Variants in TMED8 observed in about 807,000 individuals in gnomAD.
The protein encoded by TMED8 is protein TMED8.
In TMED8, 15 loss-of-function variants were observed where a neutral mutation model predicts 32.7. The observed-to-expected ratio is 0.46, with a 90% confidence interval of 0.31 to 0.71. TMED8 has a LOEUF of 0.71. Ranked by LOEUF, TMED8 falls within the 30% of genes least tolerant of loss-of-function variation. The pLI, the probability that TMED8 is intolerant of heterozygous loss-of-function variation, is 0.06. For synonymous variants in TMED8, 147 were observed against 161.4 expected (o/e 0.91, Z 0.68); for missense variants, 390 against 423.9 (o/e 0.92, Z 0.70).
chr14:77,345,465 T>C (rs180963259), intron 3 of TMED8, among the ~76,000 whole-genome samples: 27 of 152,040 alleles, frequency 1.8e-4, no homozygotes, highest in African/African-American at 5.8e-4. Context: ...CTAACACATA[T>C]GCTAATAAAT....
chr14:77,372,953 T>TATATATATATATATA (rs71128617), intron 1 of TMED8, among the ~76,000 whole-genome samples: 1 of 12,368 alleles, frequency 8.1e-5, no homozygotes, highest in Non-Finnish European at 1.3e-4. Context: ...TATATATATA[T>TATATATATATATATA]TTTTTTTTTT....
chr14:77,354,395 A>G (rs1377583164), intron 1 of TMED8, among the ~76,000 whole-genome samples: 1 of 152,188 alleles, frequency 6.6e-6, no homozygotes, highest in East Asian at 1.9e-4. Flanking sequence ...TAAAACCAGG[A>G]CTTTATATAC....
chr14:77,375,287 A>G (rs1893786759), intron 1 of TMED8, among the ~76,000 whole-genome samples: 1 of 152,132 alleles, frequency 6.6e-6, no homozygotes, highest in African/African-American at 2.4e-5. Flanking sequence ...AAGCATCTCT[A>G]CCAATGTCCT....
At chr14:77,344,344 T>C (rs1228812908) in intron 3 of TMED8, among the ~76,000 whole-genome samples, 1 of 152,232 alleles carries the variant, frequency 6.6e-6, no homozygotes, top group Non-Finnish European at 1.5e-5. Context: ...GTTTATAGTC[T>C]TTCTCTCTCA....
Position 77,346,345 on chromosome 14 carries a change from C to T in TMED8, c.327+4G>A. On this transcript the variant is annotated splice_donor_region_variant and intron_variant, in intron 3 of 5. Coordinates refer to ENST00000216468, the MANE Select transcript of TMED8 (RefSeq NM_213601.3). ...ATAAGAAAGAGCCAGAATCTGCCCC[C>T]TACCTCATTGAGGACCTGGGCCTGG... The T allele has an allele frequency of 6.2e-7, 1 of 1,614,038 alleles. No homozygotes were observed. The highest frequency in any genetic ancestry group is 8.5e-7 in the Non-Finnish European group (1 of 1,179,944).
chr14:77,376,801 C>G lies in TMED8; in HGVS notation c.118+135G>C. 2.3e-6 allele frequency: 1 copy of G among 429,660 alleles called. No individual in the cohort carries two copies. Among genetic ancestry groups the G allele is most frequent in the South Asian group, 1.1e-4 (1 of 8,844 alleles). 26.6% of individuals were successfully genotyped at this position (429,660 alleles called of 1,614,324 possible). On this transcript the variant is annotated intron_variant, in intron 1 of 5. Transcript: ENST00000216468. This position sits in a 1 kb window ranked among gnomAD's most constrained non-coding sequence, Gnocchi z 4.0. ...TGGTGGCAGCGGCGGGGAAGGGGCC[C>G]CGCGCGCGAAGGGGCTGCCGAGGTG...
intron 1 of TMED8, among the ~76,000 whole-genome samples, chr14:77,370,644 T>C (rs1389008416): frequency 6.6e-6 from 1 of 152,110 alleles, no homozygotes; most frequent in African/African-American, 2.4e-5. Context: ...AAGTATACAG[T>C]GAAAAATTTC....
intron 1 of TMED8, among the ~76,000 whole-genome samples, chr14:77,361,338 G>C (rs1893429119): frequency 6.6e-6 from 1 of 152,160 alleles, no homozygotes. Context: ...TTATTGAAGA[G>C]ACTATCTTTT....
At chr14:77,358,197 ACACACACG>A (rs1441654766) in intron 1 of TMED8, among the ~76,000 whole-genome samples, 1 of 142,710 alleles carries the variant, frequency 7.0e-6, no homozygotes, top group East Asian at 2.1e-4. Context: ...ACACACACAC[ACACACACG>A]AATATATATA....
chr14:77,353,642 G>A lies in TMED8; in HGVS notation c.119-1891C>T, dbSNP rs566168258. ...ATTTTTTTCTTTTTTTTTTTGTAGA[G>A]ATGGGGGTCTCACTATGTTGCCCAG... On this transcript the variant is annotated intron_variant, in intron 1 of 5. Transcript: ENST00000216468. 2.0e-5 allele frequency among the ~76,000 whole-genome samples: 3 copies of A among 150,126 alleles called. No homozygotes were observed. The South Asian group carries it at 6.3e-4, about 32-fold the overall frequency.
At chr14:77,344,649 T>C (rs985076743) in intron 3 of TMED8, among the ~76,000 whole-genome samples, 14 of 152,208 alleles carry the variant, frequency 9.2e-5, no homozygotes, top group Non-Finnish European at 1.9e-4. Context: ...CTCCAAACAG[T>C]TGGCAGGCAA....
rs1474768897 is a variant in TMED8 at position 77,343,241 on chromosome 14, C to G, written c.697G>C (p.Val233Leu). ...TCGTCACTGGAATCACTGACCTGCA[C>G]AGTTATGTCAGTGCTAGTTACAGGG... Reference protein sequence around the residue: ...WTPVTSTDITVQVSDSSDDED... With the variant: ...WTPVTSTDITLQVSDSSDDED... Residue 233 changes from valine (V) to leucine (L), a missense_variant, in exon 5 of 6, where the codon GTG becomes CTG. Coordinates refer to ENST00000216468, the MANE Select transcript of TMED8 (RefSeq NM_213601.3). The G allele has an allele frequency of 8.1e-6, 13 of 1,614,196 alleles. No individual in the cohort carries two copies. The highest frequency in any genetic ancestry group is 1.1e-5 in the Non-Finnish European group (13 of 1,180,024).
chr14:77,356,600 C>T (rs1893296023), intron 1 of TMED8, among the ~76,000 whole-genome samples: 1 of 152,192 alleles, frequency 6.6e-6, no homozygotes, highest in South Asian at 2.1e-4. Context: ...TAGAACAAAT[C>T]TCTAAAGAAG....
intron 1 of TMED8, among the ~76,000 whole-genome samples, chr14:77,364,788 T>A (rs1317161082): frequency 2.0e-5 from 3 of 152,210 alleles, no homozygotes; most frequent in Non-Finnish European, 2.9e-5. Flanking sequence ...AACACTTTTA[T>A]ACACATTGCC....
In TMED8 at chr14:77,335,968, C is replaced by A. The variant is rs1209853450; in HGVS notation, c.*5803G>T. The stretch of plus-strand genomic sequence containing the variant: ...TTTCCAGATGATTCTTGGCCTGATC[C>A]TAAGAATCAACAATAACAATCAATA... On this transcript the variant is annotated 3_prime_UTR_variant, in exon 6 of 6. Coordinates refer to ENST00000216468, the MANE Select transcript of TMED8 (RefSeq NM_213601.3). 1 of 152,072 alleles carries A rather than the reference C, an allele frequency of 6.6e-6. No individual in the cohort carries two copies. The highest frequency in any genetic ancestry group is 2.4e-5 in the African/African-American group (1 of 41,402). 9.4% of individuals were successfully genotyped at this position (152,072 alleles called of 1,614,324 possible).
intron 1 of TMED8, among the ~76,000 whole-genome samples, chr14:77,357,816 C>A (rs1893326026): frequency 6.6e-6 from 1 of 152,096 alleles, no homozygotes; most frequent in South Asian, 2.1e-4. Context: ...AGTCCTGGTT[C>A]TTTTTCATTA....
At chr14:77,365,888 G>T (rs568522156) in intron 1 of TMED8, among the ~76,000 whole-genome samples, 22 of 152,258 alleles carry the variant, frequency 1.4e-4, no homozygotes, top group Middle Eastern at 3.4e-3. Flanking sequence ...GATTTTACGA[G>T]ATCAGATAGG....
Position 77,372,946 on chromosome 14 carries a change from A to T in TMED8, c.118+3990T>A, listed in dbSNP as rs1468744780. ...TATATATATATATATATATATATAT[A>T]TATATATTTTTTTTTTTTTTTTTTT... On this transcript the variant is annotated intron_variant, in intron 1 of 5. Transcript: ENST00000216468. Among the ~76,000 whole-genome samples, 192 of 20,840 alleles carry T rather than the reference A, an allele frequency of 9.2e-3. 10 individuals carry two copies. The highest frequency in any genetic ancestry group is 0.011 in the Non-Finnish European group (144 of 13,416). 13.7% of individuals were successfully genotyped at this position (20,840 alleles called of 152,430 possible).
intron 1 of TMED8, among the ~76,000 whole-genome samples, chr14:77,372,784 A>G (rs12885556): frequency 6.7e-6 from 1 of 149,898 alleles, no homozygotes; most frequent in Admixed American, 6.7e-5. Flanking sequence ...ACATAAAACC[A>G]CAATAGAAAA....
Sources: allele counts gnomAD v4.1 joint callset (sites outside exome capture counted in the v4.1 genomes callset), GRCh38; gene constraint gnomAD v4.1.1; non-coding constraint Gnocchi (gnomAD v3.1); transcripts MANE v1.5; gene names NCBI Gene and HGNC (gene_info 2026-07-23, HGNC 2026-07-21).